The following MRPL32 variants were observed in gnomAD, a reference collection of about 807,000 sequenced individuals.
MRPL32 encodes the protein large ribosomal subunit protein bL32m.
MRPL32 carries 14 observed loss-of-function variants against 21.7 expected under a neutral mutation model. The observed-to-expected ratio is 0.64, with a 90% confidence interval of 0.43 to 1.01. The LOEUF (loss-of-function observed/expected upper bound fraction) is 1.01. Among genes scored for constraint, MRPL32 ranks in the 50% least tolerant of loss-of-function variants. The pLI, the probability that MRPL32 is intolerant of heterozygous loss-of-function variation, is 0.00. For synonymous variants in MRPL32, 83 were observed against 87.7 expected (o/e 0.95, Z 0.30); for missense variants, 211 against 235.9 (o/e 0.89, Z 0.69).
chr7:42,932,518 T>C lies in MRPL32; in HGVS notation c.130+2T>C. 1 of 1,599,980 alleles carries C rather than the reference T, an allele frequency of 6.3e-7. No individual in the cohort carries two copies. Among genetic ancestry groups the C allele is most frequent in the Non-Finnish European group, 8.5e-7 (1 of 1,171,076 alleles). ...CGGGCTTTCCCAGTCCTCCGTGGGG[T>C]AGGTAAAGAAGGGCTCCGTGGGAGA... On this transcript the variant is annotated splice_donor_variant, in intron 1 of 2. Coordinates refer to ENST00000223324, the MANE Select transcript of MRPL32 (RefSeq NM_031903.3). LOFTEE classifies it high-confidence loss of function.
chr7:42,937,112 A>G (rs1363324849), intron 2 of MRPL32: 1 of 1,278,872 alleles, frequency 7.8e-7, no homozygotes, highest in Non-Finnish European at 1.1e-6. Flanking sequence ...AGGTTGGCTG[A>G]ATTCTAGTTC....
chr7:42,936,514 G>A (rs1361896134), intron 2 of MRPL32: 1 of 152,032 alleles, frequency 6.6e-6, no homozygotes. Context: ...CCTCACAAAT[G>A]TTAGTATATT....
Position 42,937,308 on chromosome 7 carries a change from T to G in MRPL32, c.313-14T>G. ...GCCTCATGTTAAAATACGTTTTTGT[T>G]TATTGTTTTAAAGAACAACATAGAC... On this transcript the variant is annotated splice_polypyrimidine_tract_variant and intron_variant, in intron 2 of 2. Transcript: ENST00000223324. 1 of 1,612,982 alleles carries G rather than the reference T, an allele frequency of 6.2e-7. No homozygotes were observed. Among genetic ancestry groups the G allele is most frequent in the Non-Finnish European group, 8.5e-7 (1 of 1,179,154 alleles).
chr7:42,932,701 CAAA>C (rs148378814), intron 1 of MRPL32, among the ~76,000 whole-genome samples, 185 bp downstream of exon 1: 1,998 of 134,552 alleles, frequency 0.015, 10 homozygotes, highest in African/African-American at 0.032. Context: ...CCCTCCACCG[CAAA>C]AAAAAAAAAA....
At chr7:42,935,160 G>A (rs2128676118) in intron 2 of MRPL32, 24 bp downstream of exon 2, 1 of 1,593,738 alleles carries the variant, frequency 6.3e-7, no homozygotes, top group Non-Finnish European at 8.6e-7. Context: ...TTTTGTGGGT[G>A]TGCTTTTCCT....
chr7:42,935,105 G>C lies in MRPL32; in HGVS notation c.281G>C (p.Arg94Thr), dbSNP rs776287961. The C allele has an allele frequency of 5.2e-5, 84 of 1,612,270 alleles. No homozygotes were observed. The highest frequency in any genetic ancestry group is 6.7e-5 in the Non-Finnish European group (79 of 1,179,646). ...ACCATTGAAGTTAACCGGTGTAGGA[G>C]AAGAAATCCGCAGAAGCTTATTAAA... ...RRTIEVNRCR[R>T]RNPQKLIKVK... Residue 94 changes from arginine (R) to threonine (T), a missense_variant, in exon 2 of 3, where the codon AGA becomes ACA. By Grantham distance (71) the Arg-to-Thr change is moderately conservative (BLOSUM62 -1). Coordinates refer to ENST00000223324, the MANE Select transcript of MRPL32 (RefSeq NM_031903.3).
chr7:42,937,642 T>G lies in MRPL32; in HGVS notation c.*66T>G. 2.0e-6 allele frequency: 3 copies of G among 1,473,492 alleles called. No individual in the cohort carries two copies. The South Asian group carries it at 4.0e-5, about 20-fold the overall frequency. 91.3% of individuals were successfully genotyped at this position (1,473,492 alleles called of 1,614,324 possible). On this transcript the variant is annotated 3_prime_UTR_variant, in exon 3 of 3. Transcript: ENST00000223324. The stretch of plus-strand genomic sequence containing the variant: ...TCTCCTGAAATAGAGGAAGATTCTT[T>G]ATGTTGTTGTGCTTGTTTTTAAATC...
In MRPL32 at chr7:42,937,412, G is replaced by A. The variant is rs770138823; in HGVS notation, c.403G>A (p.Ala135Thr). Residue 135 changes from alanine to threonine, a missense_variant, in exon 3 of 3, where the codon GCA becomes ACA. By Grantham distance (58) the Ala-to-Thr change is moderately conservative (BLOSUM62 0). Around this residue, in one of 2 missense-constraint regions of MRPL32, gnomAD observed 130 missense variants for 180.1 expected, o/e 0.72. Transcript: ENST00000223324. The part of the protein sequence containing the change: ...YCYEKVCKET[A>T]EIRRQIGKQE... ...CTATGAAAAGGTGTGCAAGGAGACT[G>A]CAGAAATCAGACGACAGATAGGGAA... 6.2e-6 allele frequency: 10 copies of A among 1,614,216 alleles called. No homozygotes were observed. The East Asian group carries it at 2.2e-4, about 36-fold the overall frequency.
Position 42,937,574 on chromosome 7 carries a change from T to A in MRPL32, c.565T>A (p.Ter189ArgextTer5), listed in dbSNP as rs780377985. The A allele has an allele frequency of 1.3e-5, 21 of 1,599,984 alleles. No individual in the cohort carries two copies. Among genetic ancestry groups the A allele is most frequent in the Non-Finnish European group, 1.7e-5 (20 of 1,172,128 alleles). The change falls in exon 3 of 3, where the codon TGA becomes AGA. Residue 189 changes from the stop codon to arginine, a stop_lost. Transcript: ENST00000223324. ...GCGACCATCCTGGTTCACCCAGAAT[T>A]GACACCAAAGATGTTAAAAGGGTAA... is the stretch of plus-strand genomic sequence containing the variant. ...RKRPSWFTQN* is the reference protein window; with the variant it reads ...RKRPSWFTQNR
rs755714414 is a variant in MRPL32 at position 42,932,568 on chromosome 7, C to T, written c.130+52C>T. On this transcript the variant is annotated intron_variant, in intron 1 of 2. Coordinates refer to ENST00000223324, the MANE Select transcript of MRPL32 (RefSeq NM_031903.3). Reference sequence around the variant, plus strand: ...AGGGGGCTGATGACGGGACCTCGGGCAGCGTAGCAGACGCAGCTTACACAG... The same window carrying T: ...AGGGGGCTGATGACGGGACCTCGGGTAGCGTAGCAGACGCAGCTTACACAG... 30 of 1,529,146 alleles carry T rather than the reference C, an allele frequency of 2.0e-5. No homozygotes were observed. In the South Asian group the frequency reaches 3.6e-4, roughly 18 times the overall value. 94.7% of individuals were successfully genotyped at this position (1,529,146 alleles called of 1,614,324 possible).
chr7:42,932,838 T>TA (rs34028102), intron 1 of MRPL32, among the ~76,000 whole-genome samples: 104,948 of 151,588 alleles, frequency 0.69, 38,423 homozygotes, highest in East Asian at 0.8. Flanking sequence ...CTACTGCAGG[T>TA]AAAGAGCTGA....
intron 1 of MRPL32, among the ~76,000 whole-genome samples, chr7:42,933,547 G>C (rs910057606): frequency 1.4e-5 from 2 of 147,206 alleles, no homozygotes; most frequent in Non-Finnish European, 3.0e-5. Context: ...CATGTTTTCT[G>C]TGGTGTTTGA....
chr7:42,933,846 C>G (rs1786376579), intron 1 of MRPL32, among the ~76,000 whole-genome samples: 1 of 152,206 alleles, frequency 6.6e-6, no homozygotes, highest in Admixed American at 6.5e-5. Context: ...CCCAAGTTCA[C>G]AGACAGTCCT....
chr7:42,937,080 TTTAAG>T, intron 2 of MRPL32: 1 of 842,782 alleles, frequency 1.2e-6, no homozygotes, highest in Non-Finnish European at 1.9e-6. Flanking sequence ...AACTGCTGTG[TTTAAG>T]TAAAGATACC....
At position 42,932,390 on chromosome 7, in the gene MRPL32, G is replaced by T. The variant is rs1375236617; in HGVS notation, c.4G>T (p.Ala2Ser). Residue 2 changes from alanine (A) to serine (S), a missense_variant, in exon 1 of 3, where the codon GCG becomes TCG. Ala to Ser is a moderately conservative substitution (Grantham distance 99). Coordinates refer to ENST00000223324, the MANE Select transcript of MRPL32 (RefSeq NM_031903.3). ...GGGCGGTCTTCCAGCAGGGAAAATG[G>T]CGCTGGCCATGCTGGTCTTGGTGGT... M[A>S]LAMLVLVVSP... The T allele has an allele frequency of 6.2e-7, 1 of 1,608,578 alleles. No homozygotes were observed. Among genetic ancestry groups the T allele is most frequent in the Non-Finnish European group, 8.5e-7 (1 of 1,176,436 alleles).
chr7:42,936,423 G>T (rs1396540146), intron 2 of MRPL32: 1 of 152,106 alleles, frequency 6.6e-6, no homozygotes, highest in Non-Finnish European at 1.5e-5. Context: ...TCCAGTAGTG[G>T]AGCAAAATGA....
At chr7:42,937,193 T>A in intron 2 of MRPL32, 129 bp from the exon 3 acceptor site, 1 of 1,577,352 alleles carries the variant, frequency 6.3e-7, no homozygotes, top group Non-Finnish European at 8.6e-7. Context: ...TGGAACTAGA[T>A]GGTGTATGAT....
rs564707485 is a variant in MRPL32, at chr7:42,935,053, T to C, written c.229T>C (p.Trp77Arg). The C allele has an allele frequency of 6.2e-7, 1 of 1,614,150 alleles. No homozygotes were observed. The highest frequency in any genetic ancestry group is 1.1e-5 in the South Asian group (1 of 91,076). Reference protein sequence around the residue: ...ENSSLLDSIFWMAAPKNRRTI... With the variant: ...ENSSLLDSIFRMAAPKNRRTI... ...TTCCAGCCTTTTGGACAGTATCTTT[T>C]GGATGGCAGCTCCCAAAAATAGACG... Residue 77 changes from tryptophan (W) to arginine (R), a missense_variant, in exon 2 of 3, where the codon TGG becomes CGG. By Grantham distance (101) the Trp-to-Arg change is moderately radical. Around this residue, in one of 2 missense-constraint regions of MRPL32, gnomAD observed 130 missense variants for 180.1 expected, o/e 0.72. Transcript: ENST00000223324.
chr7:42,933,995 G>T lies in MRPL32; in HGVS notation c.131-960G>T, dbSNP rs62458178. Among the ~76,000 whole-genome samples, 1,421 of 152,242 alleles carry T rather than the reference G, an allele frequency of 9.3e-3. 15 individuals are homozygous for T. The highest frequency in any genetic ancestry group is 0.013 in the Non-Finnish European group (854 of 68,026). ...ATCAAAAGAAGTATGTGGGCTGGGC[G>T]CGGTGGCTCACACCTGTAATCTCAG... On this transcript the variant is annotated intron_variant, in intron 1 of 2. Coordinates refer to ENST00000223324, the MANE Select transcript of MRPL32 (RefSeq NM_031903.3).
Sources: allele counts gnomAD v4.1 joint callset (sites outside exome capture counted in the v4.1 genomes callset), GRCh38; gene constraint gnomAD v4.1.1; regional missense constraint gnomAD v4.1.1; transcripts MANE v1.5; gene names NCBI Gene and HGNC (gene_info 2026-07-23, HGNC 2026-07-21).